SYK: variants seen among roughly 807,000 people sequenced by gnomAD.
SYK encodes tyrosine-protein kinase SYK.
Under a neutral mutation model 77.8 loss-of-function variants are expected in SYK, and 16 were observed. The ratio of observed to expected loss-of-function variants is 0.21; its 90% CI spans 0.14 to 0.31. SYK has a LOEUF of 0.31. SYK is among the 10% of genes least tolerant of loss of function. The pLI is 1.00. For synonymous variants in SYK, 312 were observed against 308.7 expected, an observed-to-expected ratio of 1.01 and a Z score of -0.11; for missense variants, 529 against 814.4, an observed-to-expected ratio of 0.65 and a Z score of 4.26.
chr9:90,883,898 T>C (rs745489968), intron 11 of SYK, among the ~76,000 whole-genome samples: 2 of 152,082 alleles, frequency 1.3e-5, no homozygotes, highest in Non-Finnish European at 2.9e-5. Flanking sequence ...AGTGCTAGTG[T>C]ATACCGCCCT....
At chr9:90,879,572 C>T (rs1175786343) in intron 11 of SYK, among the ~76,000 whole-genome samples, 1 of 152,142 alleles carries the variant, frequency 6.6e-6, no homozygotes, top group African/African-American at 2.4e-5. Context: ...GAAGATTTAC[C>T]AAATAAACTC....
At chr9:90,814,468 G>T (rs1157027885) in intron 1 of SYK, among the ~76,000 whole-genome samples, 7 of 152,188 alleles carry the variant, frequency 4.6e-5, no homozygotes, top group Non-Finnish European at 7.3e-5. Context: ...CACGTGGGTG[G>T]AAGGTGTGTG....
intron 3 of SYK, among the ~76,000 whole-genome samples, chr9:90,851,090 C>T (rs73506009): frequency 2.0e-5 from 3 of 152,108 alleles, no homozygotes; most frequent in South Asian, 2.1e-4. Flanking sequence ...AACAAGAACT[C>T]GGGTGTGGAG....
At chr9:90,888,401 G>A (rs1160566992) in intron 12 of SYK, 114 bp from the exon 13 acceptor site, 17 of 759,646 alleles carry the variant, frequency 2.2e-5, no homozygotes, top group South Asian at 1.2e-4. Context: ...TTTATACTTC[G>A]TATAATTGAA....
At chr9:90,859,803 T>C (rs999420035) in intron 3 of SYK, among the ~76,000 whole-genome samples, 1 of 152,226 alleles carries the variant, frequency 6.6e-6, no homozygotes, top group African/African-American at 2.4e-5. Context: ...GGAATGGTAC[T>C]TCCCTGGGGT....
intron 3 of SYK, among the ~76,000 whole-genome samples, chr9:90,851,288 G>T (rs191396626): frequency 6.6e-6 from 1 of 152,156 alleles, no homozygotes; most frequent in African/African-American, 2.4e-5. Context: ...ACACAGAGGC[G>T]TCCATCAGCT....
At chr9:90,876,577 C>A (rs1357373838) in intron 9 of SYK, among the ~76,000 whole-genome samples, 1 of 152,086 alleles carries the variant, frequency 6.6e-6, no homozygotes, top group Non-Finnish European at 1.5e-5. Context: ...TAAGCTTTTT[C>A]AGATTATGAA....
At chr9:90,885,692 A>G (rs115890323) in intron 11 of SYK, among the ~76,000 whole-genome samples, 1,787 of 152,310 alleles carry the variant, frequency 0.012, 36 homozygotes, top group African/African-American at 0.041. Context: ...AAGGTCCCCA[A>G]ACAGATACAA....
chr9:90,871,795 G>A (rs1237865368), intron 7 of SYK, among the ~76,000 whole-genome samples: 1 of 152,228 alleles, frequency 6.6e-6, no homozygotes, highest in East Asian at 1.9e-4. Context: ...TTGATGTGGG[G>A]TTGTTGAGAG....
intron 1 of SYK, among the ~76,000 whole-genome samples, chr9:90,830,870 C>G (rs1825861895): frequency 6.6e-6 from 1 of 152,166 alleles, no homozygotes; most frequent in African/African-American, 2.4e-5. Flanking sequence ...CAAGCGTGAG[C>G]CACCACACCC....
intron 1 of SYK, among the ~76,000 whole-genome samples, chr9:90,810,141 T>C (rs900245593): frequency 2.0e-5 from 3 of 152,112 alleles, no homozygotes; most frequent in Admixed American, 6.5e-5. Flanking sequence ...CAGGCTTTCA[T>C]AACAAAGCAC....
At chr9:90,876,768 G>A (rs910008170) in intron 9 of SYK, among the ~76,000 whole-genome samples, 1 of 152,084 alleles carries the variant, frequency 6.6e-6, no homozygotes, top group Non-Finnish European at 1.5e-5. Context: ...CCATTTACCA[G>A]GTCTTCTTCA....
chr9:90,834,047 T>A lies in SYK; in HGVS notation c.-41-9811T>A, dbSNP rs1038204563. ...TCTAGATTTAACTCCTCATGGTGTA[T>A]CACGTGCAAGGTGAAGCCTGACTGG... On this transcript the variant is annotated intron_variant, in intron 1 of 13. Coordinates refer to ENST00000375754, the MANE Select transcript of SYK (RefSeq NM_003177.7). Among the ~76,000 whole-genome samples the A allele has an allele frequency of 2.0e-5, 3 of 152,186 alleles. 1 individual carries two copies. The highest frequency in any genetic ancestry group is 2.0e-4 in the Admixed American group (3 of 15,288).
At chr9:90,884,510 TAC>T (rs1828372920) in intron 11 of SYK, among the ~76,000 whole-genome samples, 1 of 108,696 alleles carries the variant, frequency 9.2e-6, no homozygotes, top group African/African-American at 3.5e-5. Context: ...TACATGTACA[TAC>T]ATACACATAC....
At chr9:90,801,792 A>G (rs1421410773), upstream of SYK, 2 of 152,204 alleles carry the variant, frequency 1.3e-5, no homozygotes, top group Admixed American at 6.5e-5. Context: ...AAAATGAGGA[A>G]GAGCCGCGGG....
chr9:90,892,089 GT>G (rs1828812642), intron 13 of SYK, among the ~76,000 whole-genome samples: 1 of 152,330 alleles, frequency 6.6e-6, no homozygotes, highest in Non-Finnish European at 1.5e-5. Flanking sequence ...AGTTTTACAT[GT>G]TTATGGGGAT....
intron 1 of SYK, among the ~76,000 whole-genome samples, chr9:90,810,954 G>C (rs191005607): frequency 6.6e-6 from 1 of 151,912 alleles, no homozygotes; most frequent in Non-Finnish European, 1.5e-5. Flanking sequence ...TTGGGAAAAC[G>C]GCAAATCGTT....
chr9:90,838,565 C>A (rs2118571366), intron 1 of SYK, among the ~76,000 whole-genome samples: 2 of 152,222 alleles, frequency 1.3e-5, no homozygotes, highest in East Asian at 3.9e-4. Context: ...ACCTGAAAAC[C>A]CTCCTTGCTG....
intron 1 of SYK, among the ~76,000 whole-genome samples, chr9:90,842,007 T>C (rs1044826035): frequency 7.2e-6 from 1 of 137,960 alleles, no homozygotes; most frequent in Admixed American, 7.2e-5. Context: ...GTGTGCAGTG[T>C]GTGATATGTG....
Sources: gnomAD v4.1 joint callset for allele counts (sites outside exome capture counted in the v4.1 genomes callset) on GRCh38, gnomAD v4.1.1 for gene constraint, MANE v1.5 for transcripts, NCBI Gene and HGNC (gene_info 2026-07-23, HGNC 2026-07-21) for gene names.